PTPRN2: variants seen among roughly 807,000 people sequenced by gnomAD.
PTPRN2 encodes the protein receptor-type tyrosine-protein phosphatase N2.
A neutral mutation model predicts 118.8 loss-of-function variants in PTPRN2; 74 were observed. The observed-to-expected ratio is 0.62, with a 90% confidence interval of 0.52 to 0.76. The LOEUF is 0.76. Among genes scored for constraint, PTPRN2 ranks in the 30% least tolerant of loss-of-function variants. PTPRN2 has a pLI of 0.00. For synonymous variants in PTPRN2, 641 were observed against 608.0 expected (o/e 1.05, Z -0.80); for missense variants, 1,481 against 1,394.4 (o/e 1.06, Z -0.99).
At chr7:158,429,666 C>T (rs929277338) in intron 2 of PTPRN2, among the ~76,000 whole-genome samples, 9 of 152,234 alleles carry the variant, frequency 5.9e-5, no homozygotes, top group Non-Finnish European at 1.0e-4. Context: ...AGCTCCAGAC[C>T]GCCAGCAGGC....
At chr7:158,424,773 A>G (rs1010989069) in intron 2 of PTPRN2, among the ~76,000 whole-genome samples, 9 of 151,724 alleles carry the variant, frequency 5.9e-5, no homozygotes, top group Non-Finnish European at 1.3e-4. Context: ...GGCATTAACC[A>G]TCAGCTTAAT....
intron 13 of PTPRN2, among the ~76,000 whole-genome samples, chr7:157,664,659 C>T (rs1476747): frequency 0.38 from 58,301 of 151,562 alleles, 12,236 homozygotes; most frequent in Non-Finnish European, 0.49. Context: ...CTTGAGAGGC[C>T]GAGGTGGGAG....
intron 5 of PTPRN2, among the ~76,000 whole-genome samples, chr7:158,183,660 C>T (rs918239048): frequency 4.6e-5 from 7 of 152,214 alleles, no homozygotes; most frequent in African/African-American, 1.7e-4. Flanking sequence ...TAAATCAGTT[C>T]CAGGACTTGG....
At chr7:158,326,286 C>T (rs997655747) in intron 2 of PTPRN2, among the ~76,000 whole-genome samples, 9 of 152,240 alleles carry the variant, frequency 5.9e-5, no homozygotes, top group African/African-American at 1.7e-4. Flanking sequence ...AGTGACCCCT[C>T]GTGGCTGCCT....
At position 157,808,210 on chromosome 7, in the gene PTPRN2, C is replaced by T. The variant is rs561207702; in HGVS notation, c.1788+90463G>A. On this transcript the variant is annotated intron_variant, in intron 12 of 22. Coordinates refer to ENST00000389418, the MANE Select transcript of PTPRN2 (RefSeq NM_002847.5). This position sits in a 1 kb window ranked among gnomAD's most constrained non-coding sequence, Gnocchi z 5.0. ...GTGGGTGAGTGAGCTGTTGAGTGGC[C>T]GGTGAGTGGTGGGTGAGTGAGCAGG... Among the ~76,000 whole-genome samples, 1 of 148,526 alleles carries T rather than the reference C, an allele frequency of 6.7e-6. No homozygotes were observed. Among genetic ancestry groups the T allele is most frequent in the East Asian group, 2.0e-4 (1 of 5,114 alleles).
rs371014412 is a variant in PTPRN2, at chr7:158,133,950, G to C, written c.1283C>G (p.Ser428Cys). ...ARPLDMERKK[S>C]EHPESSLSSE... ...AGACAGGGAAGACTCAGGGTGCTCG[G>C]ACTTCTTCCTCTCCATGTCGAGGGG... The change falls in exon 9 of 23, where the codon TCC (serine) becomes TGC (cysteine). Residue 428 changes from serine (S) to cysteine (C), a missense_variant. Transcript: ENST00000389418. 3 of 1,614,010 alleles carry C rather than the reference G, an allele frequency of 1.9e-6. No individual in the cohort carries two copies. Among genetic ancestry groups the C allele is most frequent in the Non-Finnish European group, 2.5e-6 (3 of 1,180,050 alleles).
At chr7:157,954,574 G>A (rs1354842379) in intron 11 of PTPRN2, among the ~76,000 whole-genome samples, 4 of 147,270 alleles carry the variant, frequency 2.7e-5, no homozygotes, top group African/African-American at 5.2e-5. Context: ...TATGTGGGTG[G>A]TGCCTGTGTA....
intron 11 of PTPRN2, among the ~76,000 whole-genome samples, chr7:158,073,092 G>A (rs1302810671): frequency 6.6e-6 from 1 of 152,140 alleles, no homozygotes; most frequent in Admixed American, 6.5e-5. Context: ...TGGGGAGGTA[G>A]GTGCCCAGCA....
intron 12 of PTPRN2, among the ~76,000 whole-genome samples, chr7:157,898,439 G>A (rs1164561688): frequency 6.6e-6 from 1 of 152,104 alleles, no homozygotes; most frequent in African/African-American, 2.4e-5. Flanking sequence ...TTTTCTTGTG[G>A]GGATACTAAA....
At chr7:158,273,928 AGG>A (rs1491330756) in intron 3 of PTPRN2, among the ~76,000 whole-genome samples, 1 of 129,400 alleles carries the variant, frequency 7.7e-6, no homozygotes, top group African/African-American at 3.1e-5. Flanking sequence ...CCGCAGACAC[AGG>A]GGGAGCCGCA....
chr7:158,268,183 G>T (rs111904585), intron 3 of PTPRN2, among the ~76,000 whole-genome samples: 3 of 152,184 alleles, frequency 2.0e-5, no homozygotes, highest in Non-Finnish European at 4.4e-5. Context: ...ACACAATGCC[G>T]CCTGCAAAAG....
chr7:157,680,310 A>G (rs1289506195), intron 13 of PTPRN2, among the ~76,000 whole-genome samples: 1 of 152,254 alleles, frequency 6.6e-6, no homozygotes. Context: ...TCAGTGAGCC[A>G]GAAATAAATA....
Position 157,828,148 on chromosome 7 carries a change from T to A in PTPRN2, c.1788+70525A>T, listed in dbSNP as rs192704982. 5.6e-4 allele frequency among the ~76,000 whole-genome samples: 85 copies of A among 152,326 alleles called. No homozygotes were observed. The East Asian group carries it at 0.014, about 26-fold the overall frequency. On this transcript the variant is annotated intron_variant, in intron 12 of 22. Transcript: ENST00000389418. ...CTGGGACCAGCCTCTGGGTTAAAAT[T>A]CAGCATCACGTCTTACTCAGAGGAA...
At chr7:158,458,488 C>G (rs1818702019) in intron 2 of PTPRN2, among the ~76,000 whole-genome samples, 1 of 152,110 alleles carries the variant, frequency 6.6e-6, no homozygotes, top group Non-Finnish European at 1.5e-5. Flanking sequence ...AAAGCTCCCC[C>G]GGTTTTTAAA....
chr7:158,061,155 G>A (rs73748012), intron 11 of PTPRN2, among the ~76,000 whole-genome samples: 12,672 of 152,266 alleles, frequency 0.083, 1,216 homozygotes, highest in African/African-American at 0.24. Context: ...GGCCGCCGTC[G>A]GGCGGTGACT....
intron 12 of PTPRN2, among the ~76,000 whole-genome samples, chr7:157,724,667 C>T (rs1799427449): frequency 2.0e-5 from 3 of 152,222 alleles, no homozygotes; most frequent in South Asian, 4.1e-4. Context: ...GAAACCATCT[C>T]TCACAAAGCC....
chr7:158,329,115 G>A (rs943687769), intron 2 of PTPRN2, among the ~76,000 whole-genome samples: 13 of 152,210 alleles, frequency 8.5e-5, no homozygotes, highest in East Asian at 1.9e-4. Context: ...CCACTGCACC[G>A]AGGGAGGCGC....
At chr7:157,614,023 A>C (rs1208709793) in intron 15 of PTPRN2, 2 of 471,232 alleles carry the variant, frequency 4.2e-6, no homozygotes, top group Admixed American at 2.3e-5. Context: ...GACCACAAGC[A>C]ACGGGATGCC....
At chr7:157,788,400 C>T (rs934825349) in intron 12 of PTPRN2, among the ~76,000 whole-genome samples, 5 of 133,600 alleles carry the variant, frequency 3.7e-5, no homozygotes, top group Non-Finnish European at 4.8e-5. Flanking sequence ...AAAGAAAGTA[C>T]AGGAAGCTTT....
Sources: gnomAD v4.1 joint callset for allele counts (sites outside exome capture counted in the v4.1 genomes callset) on GRCh38, gnomAD v4.1.1 for gene constraint, Gnocchi (gnomAD v3.1) non-coding constraint, MANE v1.5 for transcripts, NCBI Gene and HGNC (gene_info 2026-07-23, HGNC 2026-07-21) for gene names.